TNS1: variants seen among roughly 807,000 people sequenced by gnomAD.
TNS1 encodes the protein tensin 1.
A neutral mutation model predicts 168.6 loss-of-function variants in TNS1; 62 were observed. The ratio of observed to expected loss-of-function variants is 0.37; its 90% confidence interval spans 0.30 to 0.45. The LOEUF (loss-of-function observed/expected upper bound fraction) is 0.45. Ranked by LOEUF, TNS1 falls within the 20% of genes least tolerant of loss-of-function variation. The probability of loss-of-function intolerance (pLI) is 1.00; values close to 1 mark genes in which losing one functional copy is unlikely to be tolerated. For missense variants in TNS1, 2,240 were observed against 2,339.4 expected (o/e 0.96, Z 0.88); for synonymous variants, 934 against 933.2 (o/e 1.00, Z -0.02).
intron 18 of TNS1, among the ~76,000 whole-genome samples, chr2:217,856,738 A>T (rs1294186789): frequency 1.3e-5 from 2 of 152,182 alleles, no homozygotes; most frequent in Admixed American, 1.3e-4. Context: ...AGAGCCCACA[A>T]CAAGCACAGG....
chr2:217,987,973 A>G (rs1379917341), intron 2 of TNS1, among the ~76,000 whole-genome samples: 1 of 152,184 alleles, frequency 6.6e-6, no homozygotes, highest in Admixed American at 6.5e-5. Flanking sequence ...ATCTCCCACC[A>G]GTGAACCCAG....
At position 217,897,708 on chromosome 2, in the gene TNS1, G is replaced by T. The variant is rs914349264; in HGVS notation, c.543+90C>A. 8.8e-6 allele frequency: 12 copies of T among 1,357,352 alleles called. No individual in the cohort carries two copies. In the African/African-American group the frequency reaches 1.8e-4, roughly 20 times the overall value. The allele number at this position is 1,357,352 out of a possible 1,614,324, so 84.1% of individuals were successfully genotyped here. On this transcript the variant is annotated intron_variant, in intron 8 of 32. Coordinates refer to ENST00000682258, the MANE Select transcript of TNS1 (RefSeq NM_001387777.1). ...GAGAAGAGGGCATGCTGGCACAGGG[G>T]CTGGTGGCAGGGATACCAGTCATGT...
At chr2:217,824,682 G>A (rs1943360481) in intron 22 of TNS1, among the ~76,000 whole-genome samples, 2 of 152,200 alleles carry the variant, frequency 1.3e-5, no homozygotes, top group South Asian at 4.1e-4. Flanking sequence ...ACATCAGAGG[G>A]AGTCTCACCC....
At chr2:217,978,525 G>T (rs1957949508) in intron 3 of TNS1, among the ~76,000 whole-genome samples, 1 of 149,222 alleles carries the variant, frequency 6.7e-6, no homozygotes, top group Non-Finnish European at 1.5e-5. Flanking sequence ...CCCAGATTGC[G>T]CTCCGCGCCC....
chr2:217,945,442 GGGATAGGGGAGAGAA>G lies in TNS1; in HGVS notation c.187-25221_187-25207del, dbSNP rs542963530. Reference sequence around the variant, plus strand: ...CCAGTCAGAGACAATGAAACCCTTGGGGATAGGGGAGAGAAGGACAGCTTCTCAGGACCTTATATG... The same window carrying G: ...CCAGTCAGAGACAATGAAACCCTTGGGGACAGCTTCTCAGGACCTTATATG... On this transcript the variant is annotated intron_variant, in intron 3 of 32. Transcript: ENST00000682258. Among the ~76,000 whole-genome samples, 440 of 152,226 alleles carry G rather than the reference GGGATAGGGGAGAGAA, an allele frequency of 2.9e-3. 1 individual carries two copies. Among genetic ancestry groups the G allele is most frequent in the Admixed American group, 7.6e-3 (116 of 15,282 alleles).
At chr2:217,842,237 A>C in intron 19 of TNS1, 2 of 611,484 alleles carry the variant, frequency 3.3e-6, no homozygotes, top group Non-Finnish European at 5.9e-6. Context: ...AACAATTCCC[A>C]TATCTCTAAG....
chr2:217,886,151 G>A, intron 13 of TNS1, 47 bp from the exon 14 acceptor site: 2 of 1,595,026 alleles, frequency 1.3e-6, no homozygotes, highest in Non-Finnish European at 1.7e-6. Flanking sequence ...AAACTGGCAG[G>A]CAGGAGGGGC....
chr2:217,805,454 T>TCACACACACCACCGCACACCA (rs1938368599), intron 32 of TNS1, among the ~76,000 whole-genome samples: 15 of 38,422 alleles, frequency 3.9e-4, no homozygotes, highest in African/African-American at 1.5e-3. Flanking sequence ...ATACACACCA[T>TCACACACACCACCGCACACCA]CACACACACC....
intron 23 of TNS1, among the ~76,000 whole-genome samples, chr2:217,820,356 C>T (rs969554051): frequency 3.9e-5 from 6 of 152,180 alleles, no homozygotes; most frequent in Non-Finnish European, 5.9e-5. Flanking sequence ...ATGCAACCCT[C>T]GGCCAGAGTC....
At chr2:217,888,140 T>C (rs776254954) in intron 12 of TNS1, among the ~76,000 whole-genome samples, 8 of 152,176 alleles carry the variant, frequency 5.3e-5, no homozygotes, top group Non-Finnish European at 1.0e-4. Context: ...CCCTGCCCCA[T>C]TACTCAAGCC....
At chr2:218,030,437 G>A (rs1222208710) in intron 1 of TNS1, among the ~76,000 whole-genome samples, 1 of 152,206 alleles carries the variant, frequency 6.6e-6, no homozygotes, top group Admixed American at 6.5e-5. Context: ...TTTGCAGTCT[G>A]TTCCATCTCT....
At chr2:217,988,233 T>C (rs1958251087) in intron 2 of TNS1, among the ~76,000 whole-genome samples, 1 of 151,974 alleles carries the variant, frequency 6.6e-6, no homozygotes, top group Non-Finnish European at 1.5e-5. Context: ...TCCCCTCCGG[T>C]TCACACCAGC....
chr2:217,987,930 A>T (rs937962734), intron 2 of TNS1, among the ~76,000 whole-genome samples: 3 of 151,878 alleles, frequency 2.0e-5, no homozygotes, highest in African/African-American at 7.3e-5. Flanking sequence ...TGAGCTCCTG[A>T]CTCCAAAGCA....
rs944657074 is a variant in TNS1, at chr2:217,882,396, T to G, written c.1262A>C (p.Glu421Ala). The G allele has an allele frequency of 3.7e-6, 6 of 1,603,500 alleles. No individual in the cohort carries two copies. In the African/African-American group the frequency reaches 8.1e-5, roughly 22 times the overall value. ...DDAFKDDRFP[E>A]YGKVEFVFSY... is the part of the protein sequence containing the mutation. ...AAATACAAACTCCACTTTGCCATAC[T>G]CTGGAAATCGATCATCTGGAAAAAG... The change falls in exon 17 of 33, where the codon GAG (glutamate) becomes GCG (alanine). Residue 421 changes from glutamate to alanine, a missense_variant. Around this residue, in one of 2 missense-constraint regions of TNS1, gnomAD observed 2,131 missense variants for 2,171.2 expected, o/e 0.98. Transcript: ENST00000682258.
At chr2:217,858,233 C>G (rs1948394922) in intron 18 of TNS1, among the ~76,000 whole-genome samples, 1 of 152,114 alleles carries the variant, frequency 6.6e-6, no homozygotes, top group Non-Finnish European at 1.5e-5. Flanking sequence ...CCCAGATACC[C>G]TCGCCCTGAA....
chr2:217,903,179 G>A (rs752026567), intron 6 of TNS1, among the ~76,000 whole-genome samples: 10 of 152,116 alleles, frequency 6.6e-5, no homozygotes, highest in Non-Finnish European at 8.8e-5. Flanking sequence ...AACATCCACC[G>A]AGTGCCACCA....
At chr2:217,998,553 T>C (rs1050142563) in intron 1 of TNS1, among the ~76,000 whole-genome samples, 1 of 152,078 alleles carries the variant, frequency 6.6e-6, no homozygotes, top group African/African-American at 2.4e-5. Context: ...TGGGCTGGAG[T>C]GCAGTGGTGT....
chr2:217,855,605 A>G (rs1404462673), intron 18 of TNS1, among the ~76,000 whole-genome samples: 1 of 152,048 alleles, frequency 6.6e-6, no homozygotes, highest in East Asian at 1.9e-4. Flanking sequence ...CGGTTCCCAG[A>G]CGGTGCCATC....
chr2:217,818,285 G>T lies in TNS1; in HGVS notation c.4047C>A (p.Ser1349Arg), dbSNP rs760308082. Residue 1349 changes from serine (S) to arginine (R), a missense_variant, in exon 24 of 33, where the codon AGC becomes AGA. This residue lies in a region of TNS1 where 2,131 missense variants were observed against 2,171.2 expected (regional missense o/e 0.98). Transcript: ENST00000682258. Reference sequence around the variant, plus strand: ...AGACCCCTGCTGGGTGCCGACACAGGCTGGGGCTCCCCGGGGTGGTCGCTG... The same window carrying T: ...AGACCCCTGCTGGGTGCCGACACAGTCTGGGGCTCCCCGGGGTGGTCGCTG... The part of the protein sequence containing the change: ...SSAATTPGSP[S>R]LCRHPAGVYQ... 6.2e-7 allele frequency: 1 copy of T among 1,613,560 alleles called. No homozygotes were observed. Among genetic ancestry groups the T allele is most frequent in the Non-Finnish European group, 8.5e-7 (1 of 1,179,724 alleles).
Sources: gnomAD v4.1 joint callset for allele counts (sites outside exome capture counted in the v4.1 genomes callset) on GRCh38, gnomAD v4.1.1 for gene constraint, gnomAD v4.1.1 regional missense constraint, MANE v1.5 for transcripts, NCBI Gene and HGNC (gene_info 2026-07-23, HGNC 2026-07-21) for gene names.